The following KRT31 variants were observed in gnomAD, a reference collection of about 807,000 sequenced individuals.
The protein encoded by KRT31 is keratin 31, also known as keratin, type I cuticular Ha1.
Under a neutral mutation model 40.8 loss-of-function variants are expected in KRT31, and 27 were observed. That is an observed-to-expected ratio of 0.66 (90% confidence interval 0.49 to 0.91). The LOEUF (loss-of-function observed/expected upper bound fraction) is 0.91, where lower values mean the gene tolerates loss of function less well. Ranked by LOEUF, KRT31 falls within the 40% of genes least tolerant of loss-of-function variation. The pLI is 0.00. For missense variants in KRT31, 510 were observed against 544.1 expected (o/e 0.94, Z 0.62); for synonymous variants, 231 against 231.9 (o/e 1.00, Z 0.03).
At position 41,395,541 on chromosome 17, in the gene KRT31, A is replaced by C. The variant is rs201104085; in HGVS notation, c.671T>G (p.Val224Gly). 5.0e-6 allele frequency: 8 copies of C among 1,614,102 alleles called. No individual in the cohort carries two copies. In the East Asian group the frequency reaches 1.8e-4, roughly 36 times the overall value. The stretch of plus-strand genomic sequence containing the variant: ...ATACTGACTCCTGGTCTCGTTCAGC[A>C]CCCGATTCAGGTCCACAGTGGGAGC... ...DAAPTVDLNR[V>G]LNETRSQYEA... Residue 224 changes from valine (V) to glycine (G), a missense_variant, in exon 4 of 7, where the codon GTG becomes GGG. Transcript: ENST00000251645.
At chr17:41,396,817 A>T in intron 2 of KRT31, 96 bp downstream of exon 2, 1 of 1,198,722 alleles carries the variant, frequency 8.3e-7, no homozygotes, top group South Asian at 1.3e-5. Context: ...AGAATCCTTC[A>T]CAACAAGTGG....
chr17:41,395,820 GA>G (rs889185856), intron 3 of KRT31, among the ~76,000 whole-genome samples, 197 bp from the exon 4 acceptor site: 2 of 152,084 alleles, frequency 1.3e-5, no homozygotes, highest in African/African-American at 2.4e-5. Context: ...CTTGGCTTCA[GA>G]AAAAAATCCC....
At chr17:41,395,692 T>TAGA in intron 3 of KRT31, 69 bp from the exon 4 acceptor site, 1 of 1,532,876 alleles carries the variant, frequency 6.5e-7, no homozygotes, top group Non-Finnish European at 8.8e-7. Flanking sequence ...TGGCATTGCT[T>TAGA]GTTGAAACCC....
Position 41,394,101 on chromosome 17 carries a change from G to A in KRT31, c.1166C>T (p.Pro389Leu), listed in dbSNP as rs748684523. ...SKPIGPCLSNPCTSCVPPAPC... is the reference protein window; with the variant it reads ...SKPIGPCLSNLCTSCVPPAPC... ...GGCAGGAGGGACACAAGAGGTACAG[G>A]GATTGGAGAGACAGGGTCCGATGGG... Residue 389 changes from proline (P) to leucine (L), a missense_variant, in exon 7 of 7, where the codon CCC becomes CTC. Coordinates refer to ENST00000251645, the MANE Select transcript of KRT31 (RefSeq NM_002277.3). 2 of 1,613,134 alleles carry A rather than the reference G, an allele frequency of 1.2e-6. No homozygotes were observed. Among genetic ancestry groups the A allele is most frequent in the Non-Finnish European group, 1.7e-6 (2 of 1,179,616 alleles).
chr17:41,393,897 A>AC lies in KRT31; in HGVS notation c.*118dup. The AC allele has an allele frequency of 1.7e-6, 2 of 1,144,732 alleles. No homozygotes were observed. The highest frequency in any genetic ancestry group is 2.6e-5 in the East Asian group (1 of 38,340). The allele number at this position is 1,144,732 out of a possible 1,614,324, so 70.9% of individuals were successfully genotyped here. On this transcript the variant is annotated 3_prime_UTR_variant, in exon 7 of 7. Coordinates refer to ENST00000251645, the MANE Select transcript of KRT31 (RefSeq NM_002277.3). ...TTTGGGTGAGTTTCTTGGCTGCCTT[A>AC]CGCGGGCAACTCCAGCCATGCAAAT...
At position 41,395,609 on chromosome 17, in the gene KRT31, C is replaced by G; in HGVS notation, c.603G>C (p.Leu201=). The change falls in exon 4 of 7, where the codon CTG becomes CTC. Residue 201 remains leucine (L), a synonymous_variant. Transcript: ENST00000251645. ...TGAGGCGGTCTCCAAGCTGGCAGCG[C>G]AGGGTATTGACCTCCTATGGATGCA... is the stretch of plus-strand genomic sequence containing the variant. ...KSNHEQEVNT[L]RCQLGDRLNV... 6.2e-7 allele frequency: 1 copy of G among 1,614,124 alleles called. No homozygotes were observed. The highest frequency in any genetic ancestry group is 8.5e-7 in the Non-Finnish European group (1 of 1,179,968).
Position 41,395,084 on chromosome 17 carries a change from T to C in KRT31, c.877-16A>G, listed in dbSNP as rs2018198693. The C allele has an allele frequency of 5.0e-6, 8 of 1,613,928 alleles. No individual in the cohort carries two copies. Among genetic ancestry groups the C allele is most frequent in the African/African-American group, 1.3e-5 (1 of 75,040 alleles). ...GAGAGTCTCGCTGTGGTGGAGAAGA[T>C]TGGGAATGTCAGAGAGCTGCTCCTT... is the stretch of plus-strand genomic sequence containing the variant. On this transcript the variant is annotated splice_polypyrimidine_tract_variant and intron_variant, in intron 5 of 6. Coordinates refer to ENST00000251645, the MANE Select transcript of KRT31 (RefSeq NM_002277.3).
chr17:41,395,098 G>A (rs1199837850), intron 5 of KRT31, 30 bp from the exon 6 acceptor site: 1 of 1,613,314 alleles, frequency 6.2e-7, no homozygotes. Flanking sequence ...GAATGTCAGA[G>A]AGCTGCTCCT....
chr17:41,396,479 C>G lies in KRT31; in HGVS notation c.529G>C (p.Glu177Gln). Residue 177 changes from glutamate to glutamine, a missense_variant, in exon 3 of 7, where the codon GAG (glutamate) becomes CAG (glutamine). Glu to Gln is a conservative substitution (Grantham distance 29). Transcript: ENST00000251645. ...DELTLCKSDLEAQVESLKEEL... is the reference protein window; with the variant it reads ...DELTLCKSDLQAQVESLKEEL... ...TCCTTCAGGGACTCCACCTGGGCCT[C>G]CAGGTCGGACTTGCACAGGGTCAGC... is the stretch of plus-strand genomic sequence containing the variant. 2 of 1,614,198 alleles carry G rather than the reference C, an allele frequency of 1.2e-6. No individual in the cohort carries two copies. Among genetic ancestry groups the G allele is most frequent in the East Asian group, 2.2e-5 (1 of 44,884 alleles).
intron 2 of KRT31, 72 bp from the exon 3 acceptor site, chr17:41,396,648 C>T: frequency 1.3e-6 from 2 of 1,530,302 alleles, no homozygotes; most frequent in East Asian, 2.3e-5. Flanking sequence ...TTGATAACCT[C>T]ATGTGCCTTA....
At position 41,397,009 on chromosome 17, in the gene KRT31, G is replaced by A. The variant is rs2018240114; in HGVS notation, c.349-14C>T. ...GGTACACAGGATCTGGGGAGTGAGAGGTGGCTTAGTGAGGACTGAAAATAA... is the reference window on the plus strand; with the variant it reads ...GGTACACAGGATCTGGGGAGTGAGAAGTGGCTTAGTGAGGACTGAAAATAA... On this transcript the variant is annotated splice_polypyrimidine_tract_variant and intron_variant, in intron 1 of 6. Coordinates refer to ENST00000251645, the MANE Select transcript of KRT31 (RefSeq NM_002277.3). 6.2e-7 allele frequency: 1 copy of A among 1,610,182 alleles called. No individual in the cohort carries two copies. The highest frequency in any genetic ancestry group is 8.5e-7 in the Non-Finnish European group (1 of 1,176,554).
chr17:41,395,001 T>A lies in KRT31; in HGVS notation c.944A>T (p.Gln315Leu). 1.9e-6 allele frequency: 3 copies of A among 1,614,274 alleles called. No individual in the cohort carries two copies. The highest frequency in any genetic ancestry group is 2.5e-6 in the Non-Finnish European group (3 of 1,180,048). ...GGACTCCACGTTGGTGATCAGGCTC[T>A]GCACCTGGGACAGCTGGGAGCTGTA... ...ARYSSQLSQV[Q>L]SLITNVESQL... Residue 315 changes from glutamine to leucine, a missense_variant, in exon 6 of 7, where the codon CAG becomes CTG. Gln to Leu is a moderately radical substitution (Grantham distance 113, BLOSUM62 -2). Coordinates refer to ENST00000251645, the MANE Select transcript of KRT31 (RefSeq NM_002277.3).
In KRT31 at chr17:41,393,814, A is replaced by T; in HGVS notation, c.*202T>A. 7.1e-6 allele frequency: 4 copies of T among 563,832 alleles called. No homozygotes were observed. The highest frequency in any genetic ancestry group is 1.2e-5 in the Non-Finnish European group (4 of 327,546). The allele number at this position is 563,832 out of a possible 1,614,324, so 34.9% of individuals were successfully genotyped here. A position where few individuals can be genotyped will look rare whatever the true frequency, so the allele number is the denominator to read the frequency against. ...TCTGGGTGAGCATAGGAAGGAACAG[A>T]CCCCCAGGAAGGAAAGGGTGAGCAG... On this transcript the variant is annotated 3_prime_UTR_variant, in exon 7 of 7. Coordinates refer to ENST00000251645, the MANE Select transcript of KRT31 (RefSeq NM_002277.3).
intron 6 of KRT31, 89 bp downstream of exon 6, chr17:41,394,759 C>T (rs2144355063): frequency 6.4e-7 from 1 of 1,574,254 alleles, no homozygotes; most frequent in Admixed American, 1.7e-5. Flanking sequence ...GCATAATTTC[C>T]TTTCCAAGGT....
chr17:41,394,714 T>C (rs2018187649), intron 6 of KRT31, 134 bp downstream of exon 6: 1 of 1,467,744 alleles, frequency 6.8e-7, no homozygotes, highest in African/African-American at 1.4e-5. Context: ...CATATTATGT[T>C]GTCTGAGTTC....
intron 3 of KRT31, among the ~76,000 whole-genome samples, chr17:41,396,007 A>G (rs1042784687): frequency 6.6e-6 from 1 of 152,164 alleles, no homozygotes; most frequent in South Asian, 2.1e-4. Flanking sequence ...GGCCCCTCCC[A>G]AGAGAGAGGA....
Position 41,396,581 on chromosome 17 carries a change from G to T in KRT31, c.432-5C>A, listed in dbSNP as rs540046370. On this transcript the variant is annotated splice_region_variant and splice_polypyrimidine_tract_variant and intron_variant, in intron 2 of 6. Transcript: ENST00000251645. Reference sequence around the variant, plus strand: ...AGGGACAGCTCGGTCTGGTACCTGCGCAAGGACAGGGTCAGAGTACTACCT... The same window carrying T: ...AGGGACAGCTCGGTCTGGTACCTGCTCAAGGACAGGGTCAGAGTACTACCT... 6 of 1,612,930 alleles carry T rather than the reference G, an allele frequency of 3.7e-6. No individual in the cohort carries two copies. Among genetic ancestry groups the T allele is most frequent in the Non-Finnish European group, 5.1e-6 (6 of 1,179,334 alleles).
chr17:41,397,317 G>A lies in KRT31; in HGVS notation c.223C>T (p.Arg75Cys). 4 of 1,614,124 alleles carry A rather than the reference G, an allele frequency of 2.5e-6. No homozygotes were observed. Among genetic ancestry groups the A allele is most frequent in the Non-Finnish European group, 3.4e-6 (4 of 1,180,036 alleles). The change falls in exon 1 of 7, where the codon CGT becomes TGT. Residue 75 changes from arginine (R) to cysteine (C), a missense_variant. Transcript: ENST00000251645. ...DRLASYLEKVRQLERDNAELE... is the reference protein window; with the variant it reads ...DRLASYLEKVCQLERDNAELE... Reference sequence around the variant, plus strand: ...TCCGCGTTGTCCCGCTCCAGCTGACGCACTTTCTCCAGGTAGCTGGCCAGG... The same window carrying A: ...TCCGCGTTGTCCCGCTCCAGCTGACACACTTTCTCCAGGTAGCTGGCCAGG...
Position 41,395,516 on chromosome 17 carries a change from A to C in KRT31, c.696T>G (p.Tyr232Ter). The stretch of plus-strand genomic sequence containing the variant: ...TGCGGTTGGTTTCCACCAGGGCCTC[A>C]TACTGACTCCTGGTCTCGTTCAGCA... ...NRVLNETRSQ[Y>*]EALVETNRRE... The change falls in exon 4 of 7, where the codon TAT becomes TAG. Residue 232 changes from tyrosine (Y) to a stop codon, truncating the protein, a stop_gained. Coordinates refer to ENST00000251645, the MANE Select transcript of KRT31 (RefSeq NM_002277.3). LOFTEE classifies it high-confidence loss of function. The C allele has an allele frequency of 6.2e-7, 1 of 1,614,214 alleles. No homozygotes were observed. Among genetic ancestry groups the C allele is most frequent in the Non-Finnish European group, 8.5e-7 (1 of 1,180,032 alleles).
Sources: allele counts gnomAD v4.1 joint callset (sites outside exome capture counted in the v4.1 genomes callset), GRCh38; gene constraint gnomAD v4.1.1; transcripts MANE v1.5; gene names NCBI Gene and HGNC (gene_info 2026-07-23, HGNC 2026-07-21).